The following CLASP1 variants were observed in gnomAD, a reference collection of about 807,000 sequenced individuals.
The protein encoded by CLASP1 is cytoplasmic linker associated protein 1.
CLASP1 carries 38 observed loss-of-function variants against 192.3 expected under a neutral mutation model. The ratio of observed to expected loss-of-function variants is 0.20; its 90% CI spans 0.15 to 0.26. The LOEUF (loss-of-function observed/expected upper bound fraction) is 0.26. CLASP1 is among the 10% of genes least tolerant of loss of function. The probability of loss-of-function intolerance (pLI) is 1.00; values close to 1 mark genes in which losing one functional copy is unlikely to be tolerated. For missense variants in CLASP1, 1,433 were observed against 1,932.5 expected (o/e 0.74, Z 4.85); for synonymous variants, 691 against 712.8 (o/e 0.97, Z 0.49).
chr2:121,573,975 T>A (rs1475119738), intron 2 of CLASP1, among the ~76,000 whole-genome samples: 1 of 152,176 alleles, frequency 6.6e-6, no homozygotes, highest in African/African-American at 2.4e-5. Flanking sequence ...CCTGGGGGAT[T>A]CCGCTGGGGA....
In CLASP1 at chr2:121,488,994, A is replaced by G. The variant is rs2093150772; in HGVS notation, c.712+14173T>C. Among the ~76,000 whole-genome samples, 2 of 152,338 alleles carry G rather than the reference A, an allele frequency of 1.3e-5. 1 individual carries two copies. Among genetic ancestry groups the G allele is most frequent in the South Asian group, 4.1e-4 (2 of 4,828 alleles). ...GGAGGCTATCTCCATGGCTTTTAAC[A>G]TGAAAAAGCTGACTCTCATATTATT... On this transcript the variant is annotated intron_variant, in intron 8 of 39. Coordinates refer to ENST00000263710, the Ensembl canonical transcript of CLASP1.
At chr2:121,445,548 T>C in intron 19 of CLASP1, 1 of 1,028,760 alleles carries the variant, frequency 9.7e-7, no homozygotes, top group Non-Finnish European at 1.3e-6. Flanking sequence ...TTTGCAAAGA[T>C]GTCATGTGTC....
chr2:121,590,188 T>C (rs1052471378), intron 2 of CLASP1, among the ~76,000 whole-genome samples: 2 of 152,084 alleles, frequency 1.3e-5, no homozygotes, highest in African/African-American at 4.8e-5. Flanking sequence ...ACATCCAGGA[T>C]TAATATGGAG....
intron 2 of CLASP1, among the ~76,000 whole-genome samples, chr2:121,582,914 C>A (rs572539096): frequency 8.0e-4 from 121 of 151,886 alleles, no homozygotes; most frequent in Non-Finnish European, 1.4e-3. Flanking sequence ...GCTTCCCAAG[C>A]AGCTGGGACT....
At position 121,432,954 on chromosome 2, in the gene CLASP1, T is replaced by A. The variant is rs559195606; in HGVS notation, c.1913-2777A>T. 2.0e-5 allele frequency among the ~76,000 whole-genome samples: 3 copies of A among 152,292 alleles called. No individual in the cohort carries two copies. The South Asian group carries it at 6.2e-4, about 32-fold the overall frequency. On this transcript the variant is annotated intron_variant, in intron 19 of 39. Coordinates refer to ENST00000263710, the Ensembl canonical transcript of CLASP1. ...TAATGCAAAATAGAAGCAGTGAGGG[T>A]AAGCACTGTTGACTCAAACAAGATT... is the stretch of plus-strand genomic sequence containing the variant.
intron 11 of CLASP1, 91 bp downstream of exon 11, chr2:121,461,010 T>C: frequency 4.0e-6 from 3 of 759,424 alleles, no homozygotes; most frequent in Non-Finnish European, 6.5e-6. Flanking sequence ...CTATTTAGAA[T>C]TCATTAGAGC....
chr2:121,393,027 C>A (rs2074649596), intron 30 of CLASP1, among the ~76,000 whole-genome samples: 1 of 152,102 alleles, frequency 6.6e-6, no homozygotes, highest in Admixed American at 6.5e-5. Flanking sequence ...CTAAGGAAAA[C>A]AAAATATTAA....
At chr2:121,348,707 C>A (rs761653847) in exon 38 of CLASP1, 1 of 1,604,504 alleles carries the variant, frequency 6.2e-7, no homozygotes, top group African/African-American at 1.3e-5. Context: ...CCTCCTCAGC[C>A]GCTCTCACCA....
chr2:121,522,663 A>G (rs1365652026), intron 6 of CLASP1, among the ~76,000 whole-genome samples: 1 of 152,172 alleles, frequency 6.6e-6, no homozygotes, highest in Non-Finnish European at 1.5e-5. Flanking sequence ...TATTATTATT[A>G]TTCCCCATAA....
Position 121,398,364 on chromosome 2 carries a change from CA to C in CLASP1, c.2936del (p.Leu979Ter). On this transcript the variant is annotated frameshift_variant, in exon 29 of 40. Transcript: ENST00000263710. LOFTEE classifies it high-confidence loss of function. ...GAGTTTGATCCACAATAAATCTCATCAAAATGTTAAATTGTTGATCAAATGG... is the reference window on the plus strand; with the variant it reads ...GAGTTTGATCCACAATAAATCTCATCAAATGTTAAATTGTTGATCAAATGG... 6.3e-7 allele frequency: 1 copy of C among 1,598,416 alleles called. No individual in the cohort carries two copies. Among genetic ancestry groups the C allele is most frequent in the Non-Finnish European group, 8.5e-7 (1 of 1,171,752 alleles).
intron 34 of CLASP1, among the ~76,000 whole-genome samples, chr2:121,368,144 G>GCTGT (rs1409252356): frequency 6.6e-6 from 1 of 152,094 alleles, no homozygotes; most frequent in Non-Finnish European, 1.5e-5. Flanking sequence ...AGAAGGAAAG[G>GCTGT]CTGTCCACTC....
At chr2:121,488,995 T>A (rs1428939252) in intron 8 of CLASP1, among the ~76,000 whole-genome samples, 1 of 152,190 alleles carries the variant, frequency 6.6e-6, no homozygotes, top group African/African-American at 2.4e-5. Context: ...GCTTTTAACA[T>A]GAAAAAGCTG....
chr2:121,356,456 G>T (rs1452637998), intron 37 of CLASP1, among the ~76,000 whole-genome samples: 1 of 152,212 alleles, frequency 6.6e-6, no homozygotes, highest in Non-Finnish European at 1.5e-5. Flanking sequence ...AGAGGGAGGG[G>T]AGAAGAAAAG....
chr2:121,464,053 T>A (rs1363245649), intron 9 of CLASP1, among the ~76,000 whole-genome samples: 3 of 142,104 alleles, frequency 2.1e-5, no homozygotes, highest in African/African-American at 5.2e-5. Flanking sequence ...TGTCCATGTG[T>A]TCTCATTGTT....
At position 121,626,086 on chromosome 2, in the gene CLASP1, G is replaced by A. The variant is rs112673935; in HGVS notation, c.-285-19906C>T. 4.5e-3 allele frequency among the ~76,000 whole-genome samples: 664 copies of A among 146,778 alleles called. 5 individuals carry two copies. Among genetic ancestry groups the A allele is most frequent in the African/African-American group, 0.016 (622 of 38,694 alleles). ...CTGCATTCCAGCCTGGAGGCAGAGCGAGACTCCATCTCAAAAAAAAAAAAA... is the reference window on the plus strand; with the variant it reads ...CTGCATTCCAGCCTGGAGGCAGAGCAAGACTCCATCTCAAAAAAAAAAAAA... On this transcript the variant is annotated intron_variant, in intron 1 of 39. Coordinates refer to ENST00000263710, the Ensembl canonical transcript of CLASP1.
intron 2 of CLASP1, among the ~76,000 whole-genome samples, chr2:121,580,793 T>A (rs1033814853): frequency 6.6e-6 from 1 of 152,178 alleles, no homozygotes; most frequent in African/African-American, 2.4e-5. Flanking sequence ...ACACAACGCA[T>A]GCACAGAGGC....
intron 37 of CLASP1, among the ~76,000 whole-genome samples, chr2:121,352,286 AG>A (rs1354103170): frequency 2.6e-5 from 4 of 152,252 alleles, no homozygotes; most frequent in African/African-American, 9.6e-5. Context: ...CTCAGTGAGC[AG>A]GCCTTCCCCT....
At chr2:121,530,957 C>CACCCGCA in intron 2 of CLASP1, 1 of 700,408 alleles carries the variant, frequency 1.4e-6, no homozygotes, top group Non-Finnish European at 2.6e-6. Flanking sequence ...CTGAACAACA[C>CACCCGCA]ACCCGCATCA....
At chr2:121,431,030 C>T (rs943888259) in intron 19 of CLASP1, among the ~76,000 whole-genome samples, 10 of 151,466 alleles carry the variant, frequency 6.6e-5, no homozygotes, top group African/African-American at 1.2e-4. Flanking sequence ...AAATGCCTCT[C>T]CGGCCGTAAC....
Sources: gnomAD v4.1 joint callset for allele counts (sites outside exome capture counted in the v4.1 genomes callset) on GRCh38, gnomAD v4.1.1 for gene constraint, MANE v1.5 for transcripts, NCBI Gene and HGNC (gene_info 2026-07-23, HGNC 2026-07-21) for gene names.